Variants in GALNT13 observed in about 807,000 individuals in gnomAD.
GALNT13 encodes UDP-GalNAc:polypeptide N-acetylgalactosaminyltransferase 13.
Under a neutral mutation model 64.2 loss-of-function variants are expected in GALNT13, and 28 were observed. That is an observed-to-expected ratio of 0.44 (90% CI 0.32 to 0.60). The LOEUF is 0.60. GALNT13 is among the 20% of genes least tolerant of loss of function. The pLI is 0.05. For missense variants in GALNT13, 577 were observed against 669.8 expected, an observed-to-expected ratio of 0.86 and a Z score of 1.53; for synonymous variants, 214 against 224.6, an observed-to-expected ratio of 0.95 and a Z score of 0.42.
the GALNT13 span, among the ~76,000 whole-genome samples, chr2:153,384,855 C>A: frequency 1.8e-4 from 28 of 151,852 alleles, no homozygotes; most frequent in Non-Finnish European, 4.1e-4. Context: ...ACAGCAATGT[C>A]CTAGGTACTG....
At chr2:153,411,983 C>G in the GALNT13 span, among the ~76,000 whole-genome samples, 2 of 152,138 alleles carry the variant, frequency 1.3e-5, no homozygotes, top group Non-Finnish European at 2.9e-5. Context: ...ACCATCTAAT[C>G]AGCTGCCAGA....
the GALNT13 span, among the ~76,000 whole-genome samples, chr2:153,115,309 T>C: frequency 6.6e-6 from 1 of 152,150 alleles, no homozygotes; most frequent in Non-Finnish European, 1.5e-5. Context: ...GCAAAAGTAA[T>C]GGGGAAATAC....
intron 2 of GALNT13, among the ~76,000 whole-genome samples, chr2:153,914,122 G>T (rs1689168502): frequency 6.6e-6 from 1 of 152,076 alleles, no homozygotes; most frequent in Non-Finnish European, 1.5e-5. Flanking sequence ...AAATCTTATA[G>T]CTTTATTGTA....
At chr2:153,841,031 T>C in the GALNT13 span, among the ~76,000 whole-genome samples, 52 of 152,282 alleles carry the variant, frequency 3.4e-4, no homozygotes, top group Non-Finnish European at 6.2e-4. Flanking sequence ...TAAACTCTCA[T>C]GATTCTCTGA....
At chr2:153,635,185 G>T in the GALNT13 span, among the ~76,000 whole-genome samples, 4 of 151,818 alleles carry the variant, frequency 2.6e-5, no homozygotes, top group African/African-American at 4.8e-5. Context: ...TGATCCTTTG[G>T]TAGACCCAGT....
intron 9 of GALNT13, among the ~76,000 whole-genome samples, chr2:154,339,599 G>A (rs1371738891): frequency 6.6e-6 from 1 of 152,138 alleles, no homozygotes; most frequent in Non-Finnish European, 1.5e-5. Flanking sequence ...ATAAGGAATA[G>A]CATTTGCTGT....
the GALNT13 span, among the ~76,000 whole-genome samples, chr2:153,502,508 G>T: frequency 6.6e-6 from 1 of 152,138 alleles, no homozygotes; most frequent in Non-Finnish European, 1.5e-5. Flanking sequence ...ATTTGAGCTG[G>T]TTCCATATTT....
At chr2:154,368,773 G>A (rs900738449) in intron 9 of GALNT13, among the ~76,000 whole-genome samples, 2 of 152,108 alleles carry the variant, frequency 1.3e-5, no homozygotes, top group Non-Finnish European at 2.9e-5. Context: ...GTAAATGTTG[G>A]CTATTGTAAT....
At chr2:154,117,304 G>A (rs1681638261) in intron 3 of GALNT13, among the ~76,000 whole-genome samples, 1 of 152,180 alleles carries the variant, frequency 6.6e-6, no homozygotes, top group South Asian at 2.1e-4. Context: ...ATCATCACAA[G>A]GTGGTATTTG....
intron 6 of GALNT13, 149 bp from the exon 7 acceptor site, chr2:154,245,663 C>G (rs1689741365): frequency 4.0e-6 from 2 of 502,120 alleles, no homozygotes; most frequent in East Asian, 6.2e-5. Flanking sequence ...GGAAATAATT[C>G]CATGGACTAA....
At chr2:154,258,890 C>T in intron 7 of GALNT13, 131 bp from the exon 8 acceptor site, 3 of 558,702 alleles carry the variant, frequency 5.4e-6, no homozygotes, top group Admixed American at 3.5e-5. Context: ...CTTCTTACAC[C>T]TTGACTTTGT....
the GALNT13 span, among the ~76,000 whole-genome samples, chr2:153,368,313 G>A: frequency 1.3e-5 from 2 of 152,082 alleles, no homozygotes; most frequent in Admixed American, 1.3e-4. Flanking sequence ...GGAGGCACCT[G>A]AGCTTCCTGT....
At chr2:153,998,707 C>A (rs568680578) in intron 3 of GALNT13, among the ~76,000 whole-genome samples, 18 of 152,244 alleles carry the variant, frequency 1.2e-4, no homozygotes, top group South Asian at 2.1e-4. Context: ...GTCATGAAAT[C>A]TTTGCCCATG....
chr2:154,194,174 A>G (rs576916946), intron 4 of GALNT13, among the ~76,000 whole-genome samples: 82 of 152,284 alleles, frequency 5.4e-4, no homozygotes, highest in African/African-American at 1.8e-3. Context: ...GATGATTCTG[A>G]TATTGCAGCC....
intron 4 of GALNT13, among the ~76,000 whole-genome samples, chr2:154,166,729 GA>G (rs1483268621): frequency 6.6e-6 from 1 of 152,128 alleles, no homozygotes; most frequent in African/African-American, 2.4e-5. Context: ...AACCAACCCA[GA>G]TGTCCATCAG....
At chr2:154,237,285 A>G (rs1485121669) in intron 4 of GALNT13, among the ~76,000 whole-genome samples, 2 of 151,800 alleles carry the variant, frequency 1.3e-5, no homozygotes, top group Non-Finnish European at 2.9e-5. Context: ...CCTTAATCTT[A>G]TTATGTAAAA....
At chr2:153,982,627 TA>T (rs1345792821) in intron 3 of GALNT13, among the ~76,000 whole-genome samples, 2 of 152,052 alleles carry the variant, frequency 1.3e-5, no homozygotes, top group Non-Finnish European at 2.9e-5. Context: ...CTTTAACAGG[TA>T]ATATAGGTTC....
At chr2:154,262,439 G>A (rs1421108521) in intron 8 of GALNT13, among the ~76,000 whole-genome samples, 2 of 152,158 alleles carry the variant, frequency 1.3e-5, no homozygotes. Context: ...GCCTCTAATG[G>A]AAGATAATAC....
chr2:153,331,444 T>C, the GALNT13 span, among the ~76,000 whole-genome samples: 2 of 151,700 alleles, frequency 1.3e-5, no homozygotes, highest in Non-Finnish European at 2.9e-5. Flanking sequence ...TGGAGATATA[T>C]ATATAAAGTA....
Sources: allele counts gnomAD v4.1 joint callset (sites outside exome capture counted in the v4.1 genomes callset), GRCh38; gene constraint gnomAD v4.1.1; transcripts MANE v1.5; gene names NCBI Gene and HGNC (gene_info 2026-07-23, HGNC 2026-07-21).